LINGO2: variants seen among roughly 807,000 people sequenced by gnomAD.
The protein encoded by LINGO2 is leucine rich repeat and Ig domain containing 2.
In LINGO2, 14 loss-of-function variants were observed where a neutral mutation model predicts 30.6. That is an observed-to-expected ratio of 0.46 (90% CI 0.30 to 0.72). The LOEUF (loss-of-function observed/expected upper bound fraction) is 0.72, where lower values mean the gene tolerates loss of function less well. Ranked by LOEUF, LINGO2 falls within the 30% of genes least tolerant of loss-of-function variation. The pLI is 0.07. For missense variants in LINGO2, 729 were observed against 751.7 expected, an observed-to-expected ratio of 0.97 and a Z score of 0.35; for synonymous variants, 317 against 288.5, an observed-to-expected ratio of 1.10 and a Z score of -1.00.
At chr9:28,228,576 T>C (rs1412626620) in intron 4 of LINGO2, among the ~76,000 whole-genome samples, 2 of 152,000 alleles carry the variant, frequency 1.3e-5, no homozygotes, top group Non-Finnish European at 2.9e-5. Flanking sequence ...GTTCCAGAAA[T>C]ATATCATCTA....
chr9:28,686,568 G>A, the LINGO2 span, among the ~76,000 whole-genome samples: 1 of 151,928 alleles, frequency 6.6e-6, no homozygotes, highest in African/African-American at 2.4e-5. Flanking sequence ...TTCAAACTAC[G>A]TAGATATATA....
intron 4 of LINGO2, among the ~76,000 whole-genome samples, chr9:28,036,338 C>T (rs934945863): frequency 2.6e-5 from 4 of 152,150 alleles, no homozygotes; most frequent in African/African-American, 9.7e-5. Context: ...GAGCACTGCA[C>T]ATCATGGGAA....
chr9:29,195,245 C>G, the LINGO2 span, among the ~76,000 whole-genome samples: 2 of 152,082 alleles, frequency 1.3e-5, no homozygotes, highest in African/African-American at 4.8e-5. Flanking sequence ...GTGGATACCA[C>G]AGTCTGTTTA....
the LINGO2 span, among the ~76,000 whole-genome samples, chr9:28,858,392 A>C: frequency 6.6e-6 from 1 of 152,058 alleles, no homozygotes; most frequent in South Asian, 2.1e-4. Flanking sequence ...TCCTGACCCC[A>C]ATGTAGAACT....
intron 4 of LINGO2, among the ~76,000 whole-genome samples, chr9:28,278,251 G>A (rs1823199550): frequency 6.6e-6 from 1 of 152,222 alleles, no homozygotes; most frequent in Non-Finnish European, 1.5e-5. Context: ...GCAAGATGAA[G>A]CAGCAAGGGC....
chr9:28,710,513 T>A, the LINGO2 span, among the ~76,000 whole-genome samples: 1 of 152,098 alleles, frequency 6.6e-6, no homozygotes, highest in Admixed American at 6.6e-5. Context: ...ACCACGAGAT[T>A]TTTTTTCAAA....
the LINGO2 span, among the ~76,000 whole-genome samples, chr9:28,909,379 A>G: frequency 1.3e-5 from 2 of 152,116 alleles, no homozygotes; most frequent in East Asian, 3.9e-4. Context: ...TGAAAAGAAT[A>G]TAAAGTAATT....
At chr9:28,196,515 G>T (rs908257444) in intron 4 of LINGO2, among the ~76,000 whole-genome samples, 1 of 151,764 alleles carries the variant, frequency 6.6e-6, no homozygotes. Flanking sequence ...AAACAAAAAG[G>T]TATAATATCT....
At chr9:28,700,506 G>A in the LINGO2 span, among the ~76,000 whole-genome samples, 1 of 151,880 alleles carries the variant, frequency 6.6e-6, no homozygotes, top group South Asian at 2.1e-4. Context: ...TTGACTGAAT[G>A]GACCACAGTT....
At chr9:28,204,828 CTTCTT>C (rs1280391740) in intron 4 of LINGO2, among the ~76,000 whole-genome samples, 1 of 152,098 alleles carries the variant, frequency 6.6e-6, no homozygotes, top group Non-Finnish European at 1.5e-5. Context: ...TGAACAGAAT[CTTCTT>C]TTCCATTAGC....
chr9:28,994,325 C>T, the LINGO2 span, among the ~76,000 whole-genome samples: 5 of 152,074 alleles, frequency 3.3e-5, no homozygotes, highest in Admixed American at 3.3e-4. Context: ...TGTGAAGGAC[C>T]ACTTCAAGGA....
the LINGO2 span, among the ~76,000 whole-genome samples, chr9:29,164,217 C>A: frequency 6.6e-6 from 1 of 152,138 alleles, no homozygotes; most frequent in Non-Finnish European, 1.5e-5. Context: ...GGATTATCCA[C>A]CCCTTACCTT....
chr9:28,779,214 C>A, the LINGO2 span, among the ~76,000 whole-genome samples: 4 of 152,036 alleles, frequency 2.6e-5, no homozygotes, highest in Non-Finnish European at 5.9e-5. Context: ...ATGTAGTCAC[C>A]ACATGACAAG....
intron 4 of LINGO2, among the ~76,000 whole-genome samples, chr9:28,092,313 T>C (rs1350484130): frequency 1.3e-5 from 2 of 152,082 alleles, no homozygotes; most frequent in East Asian, 3.9e-4. Context: ...CCATCAATGA[T>C]AGACTGGATT....
intron 4 of LINGO2, among the ~76,000 whole-genome samples, chr9:28,085,721 G>A (rs1825891354): frequency 6.6e-6 from 1 of 152,108 alleles, no homozygotes; most frequent in South Asian, 2.1e-4. Flanking sequence ...CCTCTTGAGA[G>A]TGATCAAGAT....
intron 2 of LINGO2, among the ~76,000 whole-genome samples, chr9:28,412,103 C>CA (rs1365003606): frequency 6.6e-6 from 1 of 150,622 alleles, no homozygotes. Context: ...TCTCCCTCCC[C>CA]TCTTCTGATT....
chr9:28,532,807 CTACCCTGAGA>C (rs1434842140), intron 1 of LINGO2, among the ~76,000 whole-genome samples: 2 of 152,002 alleles, frequency 1.3e-5, no homozygotes, highest in Non-Finnish European at 2.9e-5. Context: ...ACAAGTATCT[CTACCCTGAGA>C]GTTCCTGTAA....
intron 1 of LINGO2, among the ~76,000 whole-genome samples, chr9:28,521,527 C>G (rs1820829588): frequency 6.6e-6 from 1 of 152,152 alleles, no homozygotes; most frequent in South Asian, 2.1e-4. Context: ...TAGTCATGTT[C>G]TTCCCCCCAT....
At position 28,229,622 on chromosome 9, in the gene LINGO2, C is replaced by T. The variant is rs375295983; in HGVS notation, c.-87+65586G>A. Among the ~76,000 whole-genome samples the T allele has an allele frequency of 2.6e-5, 4 of 151,516 alleles. No individual in the cohort carries two copies. In the South Asian group the frequency reaches 8.3e-4, roughly 31 times the overall value. ...GATGACAGAATAGTTGCAAAATGTGCGAACTGAATAATTTAGTATCAAAAT... is the reference window on the plus strand; with the variant it reads ...GATGACAGAATAGTTGCAAAATGTGTGAACTGAATAATTTAGTATCAAAAT... On this transcript the variant is annotated intron_variant, in intron 4 of 5. Transcript: ENST00000379992.
Sources: allele counts gnomAD v4.1 joint callset (sites outside exome capture counted in the v4.1 genomes callset), GRCh38; gene constraint gnomAD v4.1.1; transcripts MANE v1.5; gene names NCBI Gene and HGNC (gene_info 2026-07-23, HGNC 2026-07-21).